GRIK2: variants seen among roughly 807,000 people sequenced by gnomAD.
GRIK2 encodes glutamate ionotropic receptor kainate type subunit 2.
In GRIK2, 32 loss-of-function variants were observed where a neutral mutation model predicts 100.3. The ratio of observed to expected loss-of-function variants is 0.32; its 90% confidence interval spans 0.24 to 0.43. The LOEUF (loss-of-function observed/expected upper bound fraction) is 0.43. Among genes scored for constraint, GRIK2 ranks in the 20% least tolerant of loss-of-function variants. The pLI is 1.00. For missense variants in GRIK2, 843 were observed against 1,114.9 expected (o/e 0.76, Z 3.47); for synonymous variants, 417 against 389.4 (o/e 1.07, Z -0.83).
chr6:101,717,882 T>C (rs1168890131), intron 7 of GRIK2, among the ~76,000 whole-genome samples: 1 of 151,798 alleles, frequency 6.6e-6, no homozygotes, highest in African/African-American at 2.4e-5. Context: ...GGGGAAAGCC[T>C]TTAGTCTTTA....
chr6:101,889,610 T>C (rs759791556), intron 11 of GRIK2, 30 bp from the exon 12 acceptor site: 5 of 919,586 alleles, frequency 5.4e-6, no homozygotes, highest in Admixed American at 3.5e-5. Flanking sequence ...TCTTTCTTTT[T>C]TTTTTTTTTT....
At chr6:102,062,769 G>A (rs116497769) in intron 16 of GRIK2, among the ~76,000 whole-genome samples, 2,792 of 150,468 alleles carry the variant, frequency 0.019, 86 homozygotes, top group African/African-American at 0.064. Flanking sequence ...TTAAAAGGCT[G>A]CCAATCAAAA....
chr6:101,646,452 C>T (rs181095645), intron 4 of GRIK2, among the ~76,000 whole-genome samples: 1 of 151,628 alleles, frequency 6.6e-6, no homozygotes, highest in Admixed American at 6.6e-5. Context: ...CAGGAAAAAC[C>T]CTTAGTTATG....
chr6:101,844,821 T>C (rs1783713030), intron 10 of GRIK2, among the ~76,000 whole-genome samples: 1 of 152,202 alleles, frequency 6.6e-6, no homozygotes, highest in African/African-American at 2.4e-5. Flanking sequence ...ATTTTCTCTT[T>C]TATTTAGGTA....
chr6:101,464,489 T>TTTTC (rs1222427344), intron 2 of GRIK2, among the ~76,000 whole-genome samples: 1,472 of 115,836 alleles, frequency 0.013, 148 homozygotes, highest in African/African-American at 0.018. Flanking sequence ...TACCTTTTCT[T>TTTTC]TTTCTTTCTT....
At chr6:102,064,452 C>T (rs894757191) in intron 16 of GRIK2, among the ~76,000 whole-genome samples, 1 of 148,948 alleles carries the variant, frequency 6.7e-6, no homozygotes, top group Non-Finnish European at 1.5e-5. Context: ...ATCTTTCTTT[C>T]TCTCTTTCCC....
intron 12 of GRIK2, among the ~76,000 whole-genome samples, chr6:101,912,936 C>A (rs1044292441): frequency 4.6e-5 from 7 of 151,510 alleles, no homozygotes; most frequent in Non-Finnish European, 1.0e-4. Context: ...GGTTAATAAT[C>A]ATTCTGATAT....
intron 2 of GRIK2, among the ~76,000 whole-genome samples, chr6:101,604,866 A>G (rs183742105): frequency 2.4e-4 from 36 of 150,864 alleles, no homozygotes; most frequent in African/African-American, 8.4e-4. Flanking sequence ...ATTAAATATA[A>G]GTCCCCAAAC....
intron 14 of GRIK2, among the ~76,000 whole-genome samples, chr6:101,972,644 GT>G (rs1223210973): frequency 6.6e-6 from 1 of 151,780 alleles, no homozygotes; most frequent in African/African-American, 2.4e-5. Context: ...CAAGGTCAAT[GT>G]CAAGAAGAGT....
intron 14 of GRIK2, among the ~76,000 whole-genome samples, chr6:101,943,785 T>A (rs1791103113): frequency 6.6e-6 from 1 of 152,198 alleles, no homozygotes; most frequent in Non-Finnish European, 1.5e-5. Context: ...TGTTTTTGAT[T>A]TTACAGGCTC....
intron 16 of GRIK2, among the ~76,000 whole-genome samples, chr6:102,064,698 C>A (rs529281167): frequency 6.6e-6 from 1 of 151,180 alleles, no homozygotes; most frequent in African/African-American, 2.4e-5. Flanking sequence ...ATGTACAGCA[C>A]AGGGAAACAA....
chr6:101,733,378 A>G (rs1775411477), intron 7 of GRIK2, among the ~76,000 whole-genome samples: 1 of 152,284 alleles, frequency 6.6e-6, no homozygotes, highest in South Asian at 2.1e-4. Flanking sequence ...AGAAAAGAAT[A>G]AAGGGGTGGG....
chr6:101,950,829 G>A (rs2128479000), intron 14 of GRIK2, among the ~76,000 whole-genome samples: 2 of 152,272 alleles, frequency 1.3e-5, no homozygotes, highest in Middle Eastern at 6.8e-3. Context: ...CTACAAAGGT[G>A]AAGGATAACT....
intron 2 of GRIK2, among the ~76,000 whole-genome samples, chr6:101,538,075 A>G (rs953604027): frequency 4.0e-5 from 6 of 151,842 alleles, no homozygotes; most frequent in Non-Finnish European, 8.8e-5. Context: ...TGTTCATAAT[A>G]GCATATCATA....
intron 12 of GRIK2, among the ~76,000 whole-genome samples, chr6:101,914,659 A>G (rs1482512608): frequency 6.6e-6 from 1 of 151,380 alleles, no homozygotes; most frequent in Non-Finnish European, 1.5e-5. Flanking sequence ...TTCTAATTGG[A>G]AACCTTTTGG....
At chr6:101,587,402 C>A (rs73506667) in intron 2 of GRIK2, among the ~76,000 whole-genome samples, 1 of 150,510 alleles carries the variant, frequency 6.6e-6, no homozygotes, top group Non-Finnish European at 1.5e-5. Flanking sequence ...CTGTCTGTCC[C>A]TCCGTCCATC....
chr6:101,730,143 A>C (rs1775157793), intron 7 of GRIK2, among the ~76,000 whole-genome samples: 1 of 151,970 alleles, frequency 6.6e-6, no homozygotes, highest in Non-Finnish European at 1.5e-5. Context: ...ACTTTGGCAG[A>C]ATCTAGATAT....
intron 2 of GRIK2, among the ~76,000 whole-genome samples, chr6:101,614,494 AAGG>A (rs1779811493): frequency 1.3e-5 from 2 of 151,568 alleles, no homozygotes; most frequent in Admixed American, 6.6e-5. Flanking sequence ...TATTTTGCCT[AAGG>A]AGAAAAAAAT....
At chr6:101,954,058 G>T (rs1299298499) in intron 14 of GRIK2, among the ~76,000 whole-genome samples, 1 of 152,078 alleles carries the variant, frequency 6.6e-6, no homozygotes, top group Non-Finnish European at 1.5e-5. Flanking sequence ...AACAAGAAAT[G>T]ACCATAATGT....
Sources: gnomAD v4.1 joint callset for allele counts (sites outside exome capture counted in the v4.1 genomes callset) on GRCh38, gnomAD v4.1.1 for gene constraint, MANE v1.5 for transcripts, NCBI Gene and HGNC (gene_info 2026-07-23, HGNC 2026-07-21) for gene names.